Variants in PHIP observed in about 807,000 individuals in gnomAD.
The protein encoded by PHIP is PH-interacting protein.
A neutral mutation model predicts 236.8 loss-of-function variants in PHIP; 54 were observed. The observed-to-expected ratio is 0.23, with a 90% confidence interval of 0.18 to 0.29. The LOEUF (loss-of-function observed/expected upper bound fraction) is 0.29, where lower values mean the gene tolerates loss of function less well. Among genes scored for constraint, PHIP ranks in the 10% least tolerant of loss-of-function variants. The pLI is 1.00. For synonymous variants in PHIP, 756 were observed against 718.9 expected (o/e 1.05, Z -0.83); for missense variants, 1,370 against 2,190.8 (o/e 0.63, Z 7.48).
intron 24 of PHIP, among the ~76,000 whole-genome samples, chr6:78,977,837 A>ACT (rs1768218836): frequency 6.6e-6 from 1 of 152,106 alleles, no homozygotes; most frequent in Admixed American, 6.6e-5. Context: ...CTTTAGAATC[A>ACT]CTCTAGCATT....
At chr6:79,010,150 C>A (rs1184451979) in intron 15 of PHIP, among the ~76,000 whole-genome samples, 1 of 151,630 alleles carries the variant, frequency 6.6e-6, no homozygotes, top group Admixed American at 6.6e-5. Flanking sequence ...GAGAGAGACT[C>A]TTCTCCTGAT....
intron 17 of PHIP, 111 bp downstream of exon 17, chr6:79,001,788 C>T (rs1441575862): frequency 5.9e-6 from 4 of 676,220 alleles, no homozygotes; most frequent in Non-Finnish European, 7.9e-6. Flanking sequence ...ATAAAACATA[C>T]TTTTACTTCT....
At chr6:78,990,034 G>A (rs945625836) in intron 20 of PHIP, among the ~76,000 whole-genome samples, 9 of 151,764 alleles carry the variant, frequency 5.9e-5, no homozygotes, top group African/African-American at 2.2e-4. Context: ...AAACAGAAAA[G>A]TGAATTCTAG....
chr6:79,012,298 A>G (rs894944032), intron 15 of PHIP, among the ~76,000 whole-genome samples: 2 of 151,796 alleles, frequency 1.3e-5, no homozygotes, highest in Non-Finnish European at 3.0e-5. Flanking sequence ...ATTTGTACTA[A>G]AACTGTTATT....
chr6:79,067,303 C>T (rs1423145285), intron 4 of PHIP, among the ~76,000 whole-genome samples: 1 of 152,208 alleles, frequency 6.6e-6, no homozygotes, highest in Non-Finnish European at 1.5e-5. Context: ...ACTGGCTAAA[C>T]CAGGAGGCTA....
chr6:79,001,825 T>G, intron 17 of PHIP, 74 bp downstream of exon 17: 1 of 931,400 alleles, frequency 1.1e-6, no homozygotes. Context: ...GCAAACAAAG[T>G]TTTACTCAAT....
chr6:78,974,551 AC>A, intron 24 of PHIP, among the ~76,000 whole-genome samples: 1 of 152,226 alleles, frequency 6.6e-6, no homozygotes, highest in African/African-American at 2.4e-5. Context: ...GGAAATAGAG[AC>A]ACAAAAAACC....
chr6:79,067,006 A>G (rs1298350893), intron 4 of PHIP, among the ~76,000 whole-genome samples: 1 of 152,160 alleles, frequency 6.6e-6, no homozygotes, highest in Non-Finnish European at 1.5e-5. Context: ...CTCCGACCTC[A>G]GCCTCCAGAG....
intron 20 of PHIP, among the ~76,000 whole-genome samples, chr6:78,988,561 T>G (rs904580421): frequency 5.3e-5 from 8 of 152,104 alleles, no homozygotes; most frequent in African/African-American, 1.9e-4. Context: ...GGTGACAAAG[T>G]GAGACAATTT....
chr6:78,936,616 A>G lies in PHIP; in HGVS notation c.*4077T>C, dbSNP rs1452119773. On this transcript the variant is annotated 3_prime_UTR_variant, in exon 40 of 40. Transcript: ENST00000275034. ...TAATTTCCTGATAATTTTTATCTGCATTAAAAAAGTATTTCAACACAGAGC... is the reference window on the plus strand; with the variant it reads ...TAATTTCCTGATAATTTTTATCTGCGTTAAAAAAGTATTTCAACACAGAGC... 1 of 151,888 alleles carries G rather than the reference A, an allele frequency of 6.6e-6. No homozygotes were observed. The highest frequency in any genetic ancestry group is 6.6e-5 in the Admixed American group (1 of 15,252). 9.4% of individuals were successfully genotyped at this position (151,888 alleles called of 1,614,324 possible). A position where few individuals can be genotyped will look rare whatever the true frequency, so the allele number is the denominator to read the frequency against.
chr6:78,936,001 GA>G lies in PHIP; in HGVS notation c.*4691del, dbSNP rs1421082627. ...AGAATTATGCATCAAAACTAACATAGAAAGTGTCCACGTAACAGTAAAGAAA... is the reference window on the plus strand; with the variant it reads ...AGAATTATGCATCAAAACTAACATAGAAGTGTCCACGTAACAGTAAAGAAA... On this transcript the variant is annotated 3_prime_UTR_variant, in exon 40 of 40. Coordinates refer to ENST00000275034, the MANE Select transcript of PHIP (RefSeq NM_017934.7). 1 of 152,254 alleles carries G rather than the reference GA, an allele frequency of 6.6e-6. No individual in the cohort carries two copies. Among genetic ancestry groups the G allele is most frequent in the Non-Finnish European group, 1.5e-5 (1 of 68,202 alleles). The allele number at this position is 152,254 out of a possible 1,614,324, so 9.4% of individuals were successfully genotyped here. A position where few individuals can be genotyped will look rare whatever the true frequency, so the allele number is the denominator to read the frequency against.
At chr6:79,006,910 G>T (rs1050263514) in intron 15 of PHIP, among the ~76,000 whole-genome samples, 1 of 151,962 alleles carries the variant, frequency 6.6e-6, no homozygotes, top group Admixed American at 6.6e-5. Context: ...ACCAGTAACT[G>T]TGAAAACTTC....
chr6:79,058,313 C>T (rs573710493), intron 6 of PHIP, among the ~76,000 whole-genome samples: 7 of 152,172 alleles, frequency 4.6e-5, no homozygotes, highest in Non-Finnish European at 8.8e-5. Context: ...ACATCCACTA[C>T]GGATCTCAGA....
intron 21 of PHIP, among the ~76,000 whole-genome samples, chr6:78,986,846 A>G (rs1489128667): frequency 6.6e-6 from 1 of 152,222 alleles, no homozygotes; most frequent in Non-Finnish European, 1.5e-5. Context: ...AGCATATTTT[A>G]TTAACAAATT....
chr6:79,072,861 TAAAG>T (rs1287153348), intron 4 of PHIP, among the ~76,000 whole-genome samples: 1 of 152,218 alleles, frequency 6.6e-6, no homozygotes, highest in Non-Finnish European at 1.5e-5. Flanking sequence ...ATGCTTTTCT[TAAAG>T]AAAACTTTAT....
At chr6:78,963,066 T>C in intron 30 of PHIP, 31 bp downstream of exon 30, 1 of 1,539,342 alleles carries the variant, frequency 6.5e-7, no homozygotes, top group Non-Finnish European at 8.7e-7. Flanking sequence ...TTCTGCCAGT[T>C]TTTTCTATAC....
intron 7 of PHIP, among the ~76,000 whole-genome samples, chr6:79,042,503 C>G (rs939631827): frequency 6.6e-6 from 1 of 152,010 alleles, no homozygotes; most frequent in African/African-American, 2.4e-5. Flanking sequence ...TTAATAATCT[C>G]TCAACATACT....
intron 6 of PHIP, among the ~76,000 whole-genome samples, chr6:79,050,050 C>A (rs2127765108): frequency 6.6e-6 from 1 of 151,702 alleles, no homozygotes; most frequent in South Asian, 2.1e-4. Context: ...GAGAAAATGG[C>A]TATAAAGGAA....
intron 39 of PHIP, among the ~76,000 whole-genome samples, chr6:78,944,055 C>G (rs1387953640): frequency 1.4e-5 from 2 of 147,840 alleles, no homozygotes; most frequent in Non-Finnish European, 3.0e-5. Context: ...GAGAAGACTT[C>G]CTAAAGAAGA....
Sources: gnomAD v4.1 joint callset for allele counts (sites outside exome capture counted in the v4.1 genomes callset) on GRCh38, gnomAD v4.1.1 for gene constraint, MANE v1.5 for transcripts, NCBI Gene and HGNC (gene_info 2026-07-23, HGNC 2026-07-21) for gene names.